Variants in QTGAL observed in about 807,000 individuals in gnomAD.
The protein encoded by QTGAL is queuosine-tRNA galactosyltransferase.
At chr17:83,038,789 G>A in the QTGAL span, among the ~76,000 whole-genome samples, 1 of 152,122 alleles carries the variant, frequency 6.6e-6, no homozygotes, top group South Asian at 2.1e-4. Context: ...AACCTGGGAG[G>A]TGGAGCTTGC....
chr17:83,044,714 C>A, the QTGAL span, among the ~76,000 whole-genome samples: 4 of 152,208 alleles, frequency 2.6e-5, no homozygotes, highest in Admixed American at 6.5e-5. Flanking sequence ...GAGGCCAAGG[C>A]AGGCGGATCA....
At chr17:83,000,082 C>T in the QTGAL span, among the ~76,000 whole-genome samples, 1 of 152,202 alleles carries the variant, frequency 6.6e-6, no homozygotes, top group Non-Finnish European at 1.5e-5. Context: ...CCTGCCTCAG[C>T]CTCCCATGTA....
chr17:82,952,936 A>C, the QTGAL span, among the ~76,000 whole-genome samples: 1 of 152,234 alleles, frequency 6.6e-6, no homozygotes, highest in Admixed American at 6.5e-5. Context: ...CCTGCTCCTG[A>C]ATGACTACTG....
At chr17:82,971,478 G>A in the QTGAL span, among the ~76,000 whole-genome samples, 14 of 152,064 alleles carry the variant, frequency 9.2e-5, no homozygotes, top group African/African-American at 2.2e-4. Context: ...GCCACGCGCC[G>A]TCTCCTCCCT....
chr17:82,970,143 G>A, the QTGAL span, among the ~76,000 whole-genome samples: 1 of 152,172 alleles, frequency 6.6e-6, no homozygotes, highest in African/African-American at 2.4e-5. Context: ...TGTCACACAG[G>A]GTGCCCCCTG....
the QTGAL span, among the ~76,000 whole-genome samples, chr17:83,029,792 C>T: frequency 5.3e-5 from 8 of 152,184 alleles, no homozygotes; most frequent in South Asian, 2.1e-4. Context: ...GCAACCCTGG[C>T]GTTACCAGCA....
the QTGAL span, among the ~76,000 whole-genome samples, chr17:83,016,583 G>A: frequency 6.8e-6 from 1 of 148,050 alleles, no homozygotes; most frequent in Admixed American, 6.7e-5. Context: ...GGAGAGTGGA[G>A]GAGGGAGAAG....
the QTGAL span, among the ~76,000 whole-genome samples, chr17:83,000,542 A>C: frequency 1.1e-4 from 16 of 152,166 alleles, no homozygotes; most frequent in African/African-American, 3.6e-4. Context: ...AGTTTTGATA[A>C]ATTTTAACTT....
At chr17:83,026,200 G>A in the QTGAL span, among the ~76,000 whole-genome samples, 1 of 152,206 alleles carries the variant, frequency 6.6e-6, no homozygotes, top group East Asian at 1.9e-4. Context: ...GGAATTCTAA[G>A]TGCTGGAGAA....
chr17:83,038,283 T>A, the QTGAL span, among the ~76,000 whole-genome samples: 1 of 152,200 alleles, frequency 6.6e-6, no homozygotes, highest in African/African-American at 2.4e-5. Flanking sequence ...GAGGTCTCCT[T>A]ACCCACACTT....
chr17:82,970,530 TGGCCGCGACCTCC>T, the QTGAL span, among the ~76,000 whole-genome samples: 1 of 146,168 alleles, frequency 6.8e-6, no homozygotes, highest in Admixed American at 6.9e-5. Flanking sequence ...CCACCCAGCG[TGGCCGCGACCTCC>T]GCACCCGGCG....
chr17:82,993,631 T>C, the QTGAL span, among the ~76,000 whole-genome samples: 1 of 152,124 alleles, frequency 6.6e-6, no homozygotes, highest in Non-Finnish European at 1.5e-5. Context: ...ACAGACCAAA[T>C]GGACCTAATA....
At chr17:82,969,388 T>C in the QTGAL span, among the ~76,000 whole-genome samples, 1 of 152,184 alleles carries the variant, frequency 6.6e-6, no homozygotes, top group Admixed American at 6.5e-5. Context: ...TTTGTATTTT[T>C]AGTAGGGACA....
chr17:83,051,243 C>G, the QTGAL span, among the ~76,000 whole-genome samples: 10 of 83,246 alleles, frequency 1.2e-4, no homozygotes, highest in African/African-American at 5.2e-4. Context: ...GTGCGCGGAC[C>G]AGGTGTGTGA....
chr17:82,953,312 TAA>T, the QTGAL span, among the ~76,000 whole-genome samples: 1 of 151,218 alleles, frequency 6.6e-6, no homozygotes, highest in Non-Finnish European at 1.5e-5. Flanking sequence ...GTAGACACAA[TAA>T]AAAAAGATAA....
At chr17:83,027,170 G>A in the QTGAL span, among the ~76,000 whole-genome samples, 1 of 149,172 alleles carries the variant, frequency 6.7e-6, no homozygotes, top group Admixed American at 6.6e-5. Flanking sequence ...GGAGCCTGCA[G>A]ACAAACCCAC....
the QTGAL span, among the ~76,000 whole-genome samples, chr17:82,985,684 A>G: frequency 3.3e-5 from 5 of 152,152 alleles, no homozygotes; most frequent in African/African-American, 1.2e-4. Flanking sequence ...CCACTGCCCT[A>G]ATACGCGGGA....
the QTGAL span, among the ~76,000 whole-genome samples, chr17:83,014,115 C>T: frequency 6.6e-6 from 1 of 152,188 alleles, no homozygotes; most frequent in Non-Finnish European, 1.5e-5. Context: ...AATTTAAGAT[C>T]GTCTAAATAA....
the QTGAL span, chr17:83,035,088 T>C: frequency 1.2e-6 from 2 of 1,612,642 alleles, no homozygotes; most frequent in Non-Finnish European, 1.7e-6. Flanking sequence ...GCTTGATTTT[T>C]AGCGTATCCG....
Sources: allele counts gnomAD v4.1 joint callset (sites outside exome capture counted in the v4.1 genomes callset), GRCh38; gene constraint gnomAD v4.1.1; transcripts MANE v1.5; gene names NCBI Gene and HGNC (gene_info 2026-07-23, HGNC 2026-07-21).